Variants in AP4E1 observed in about 807,000 individuals in gnomAD.
AP4E1 encodes adaptor related protein complex 4 subunit epsilon 1.
A neutral mutation model predicts 128.2 loss-of-function variants in AP4E1; 56 were observed. The observed-to-expected ratio is 0.44, with a 90% CI of 0.35 to 0.55. AP4E1 has a LOEUF of 0.55. Ranked by LOEUF, AP4E1 falls within the 20% of genes least tolerant of loss-of-function variation. The pLI, the probability that AP4E1 is intolerant of heterozygous loss-of-function variation, is 0.00. For missense variants in AP4E1, 1,324 were observed against 1,307.7 expected (o/e 1.01, Z -0.19); for synonymous variants, 484 against 473.1 (o/e 1.02, Z -0.30).
intron 10 of AP4E1, among the ~76,000 whole-genome samples, chr15:50,942,197 G>C (rs1196290652): frequency 2.0e-5 from 3 of 152,210 alleles, no homozygotes; most frequent in Non-Finnish European, 4.4e-5. Context: ...GATTACAGGT[G>C]TGAGCCACTG....
At chr15:50,988,748 C>T (rs774381273) in intron 16 of AP4E1, among the ~76,000 whole-genome samples, 18 of 152,032 alleles carry the variant, frequency 1.2e-4, no homozygotes, top group Non-Finnish European at 1.5e-4. Flanking sequence ...GCTTTCACAC[C>T]GTTGTAAAGC....
At chr15:50,988,213 T>A (rs935409516) in intron 16 of AP4E1, among the ~76,000 whole-genome samples, 10 of 152,228 alleles carry the variant, frequency 6.6e-5, no homozygotes, top group African/African-American at 2.4e-4. Context: ...CCATTATAAA[T>A]TGAAAATATC....
At chr15:50,983,705 C>T (rs181305430) in intron 15 of AP4E1, among the ~76,000 whole-genome samples, 14 of 152,198 alleles carry the variant, frequency 9.2e-5, no homozygotes, top group Admixed American at 8.5e-4. Context: ...ATGGGAGCAG[C>T]GACTTTTCAG....
chr15:50,972,512 ATGTAGTTTCTTTAGC>A (rs1165207610), intron 15 of AP4E1, among the ~76,000 whole-genome samples: 2 of 152,134 alleles, frequency 1.3e-5, no homozygotes, highest in Non-Finnish European at 2.9e-5. Context: ...GTACCTGGCC[ATGTAGTTTCTTTAGC>A]TGTAATCTAC....
chr15:50,950,098 C>A lies in AP4E1; in HGVS notation c.1477C>A (p.Gln493Lys). 1 of 1,613,222 alleles carries A rather than the reference C, an allele frequency of 6.2e-7. No homozygotes were observed. The highest frequency in any genetic ancestry group is 1.1e-5 in the South Asian group (1 of 91,046). Residue 493 changes from glutamine (Q) to lysine (K), a missense_variant, in exon 13 of 21, where the codon CAG (glutamine) becomes AAG (lysine). Physicochemically the swap from Gln to Lys is moderately conservative, Grantham distance 53. Coordinates refer to ENST00000261842, the MANE Select transcript of AP4E1 (RefSeq NM_007347.5). ...TCAGCAATTAAGACTCTATGCAGTT[C>A]AGTCTTATCTCACTTTACTGGATAT... ...EDQQLRLYAV[Q>K]SYLTLLDMEN... is the part of the protein sequence containing the mutation.
intron 16 of AP4E1, among the ~76,000 whole-genome samples, chr15:50,987,680 A>G (rs1344748755): frequency 6.6e-6 from 1 of 152,088 alleles, no homozygotes; most frequent in Non-Finnish European, 1.5e-5. Context: ...GTTTGTTATA[A>G]TTTCTGTTTT....
At chr15:50,973,592 C>T (rs1409426385) in intron 15 of AP4E1, among the ~76,000 whole-genome samples, 1 of 152,176 alleles carries the variant, frequency 6.6e-6, no homozygotes, top group Non-Finnish European at 1.5e-5. Flanking sequence ...TCCCCTTAGC[C>T]TCTGGCAGCA....
intron 16 of AP4E1, among the ~76,000 whole-genome samples, chr15:50,987,004 C>G (rs2064736163): frequency 6.6e-6 from 1 of 152,182 alleles, no homozygotes; most frequent in African/African-American, 2.4e-5. Flanking sequence ...TTGGTCTACT[C>G]AGAGATTCAA....
chr15:50,983,496 C>T (rs1257025207), intron 15 of AP4E1, among the ~76,000 whole-genome samples: 6 of 152,224 alleles, frequency 3.9e-5, no homozygotes, highest in South Asian at 2.1e-4. Flanking sequence ...TGTCCTACCA[C>T]AGTAACAACA....
At chr15:50,985,985 T>C (rs1468659595) in intron 16 of AP4E1, among the ~76,000 whole-genome samples, 3 of 152,200 alleles carry the variant, frequency 2.0e-5, no homozygotes, top group South Asian at 2.1e-4. Flanking sequence ...CATTTATTTC[T>C]TTGAGCAGTG....
At chr15:50,993,232 T>C in intron 16 of AP4E1, 138 bp from the exon 17 acceptor site, 1 of 863,672 alleles carries the variant, frequency 1.2e-6, no homozygotes, top group East Asian at 2.6e-5. Context: ...ATCAAGGTTT[T>C]ACTTCTGGTA....
chr15:50,962,161 A>C (rs1405137423), intron 14 of AP4E1, among the ~76,000 whole-genome samples: 1 of 152,114 alleles, frequency 6.6e-6, no homozygotes, highest in Non-Finnish European at 1.5e-5. Context: ...CATGGATCAC[A>C]TGAATATTGT....
At chr15:50,971,536 C>G (rs2064478591) in intron 15 of AP4E1, among the ~76,000 whole-genome samples, 1 of 152,096 alleles carries the variant, frequency 6.6e-6, no homozygotes, top group Non-Finnish European at 1.5e-5. Context: ...TTATTTTCTT[C>G]ATATCTTCCC....
intron 3 of AP4E1, among the ~76,000 whole-genome samples, chr15:50,916,803 A>G (rs1000235713): frequency 5.1e-4 from 77 of 152,130 alleles, no homozygotes; most frequent in Non-Finnish European, 1.2e-4. Context: ...TTCTCCTGTG[A>G]TCACTCAGGT....
rs1322009887 is a variant in AP4E1 at position 50,929,157 on chromosome 15, A to G, written c.691A>G (p.Arg231Gly). Residue 231 changes from arginine to glycine, a missense_variant, in exon 6 of 21, where the codon AGA (arginine) becomes GGA (glycine). Arg to Gly is a moderately radical substitution (Grantham distance 125). Transcript: ENST00000261842. ...VMAASLHIYL[R>G]MIKENSSGYK... Reference sequence around the variant, plus strand: ...GGCTGCCTCCTTGCATATATATCTTAGAATGATTAAGGTAAGTTGGAAATT... The same window carrying G: ...GGCTGCCTCCTTGCATATATATCTTGGAATGATTAAGGTAAGTTGGAAATT... 3.1e-6 allele frequency: 5 copies of G among 1,613,770 alleles called. No individual in the cohort carries two copies. The highest frequency in any genetic ancestry group is 4.2e-6 in the Non-Finnish European group (5 of 1,179,900).
intron 15 of AP4E1, among the ~76,000 whole-genome samples, chr15:50,978,570 T>C (rs182288696): frequency 1.5e-4 from 23 of 152,310 alleles, no homozygotes; most frequent in African/African-American, 5.5e-4. Flanking sequence ...TGTTGAATTA[T>C]TCACTTATGC....
At chr15:50,954,260 T>G (rs2064187603) in intron 13 of AP4E1, among the ~76,000 whole-genome samples, 1 of 152,240 alleles carries the variant, frequency 6.6e-6, no homozygotes, top group Admixed American at 6.5e-5. Context: ...AATACTAGTT[T>G]CATAAAATGA....
At chr15:50,971,338 A>G (rs1348606796) in intron 15 of AP4E1, among the ~76,000 whole-genome samples, 1 of 152,058 alleles carries the variant, frequency 6.6e-6, no homozygotes, top group Non-Finnish European at 1.5e-5. Flanking sequence ...GGATTCCCTT[A>G]TATGTGACTT....
intron 17 of AP4E1, 113 bp downstream of exon 17, chr15:50,993,738 C>T: frequency 7.7e-7 from 1 of 1,295,462 alleles, no homozygotes; most frequent in Admixed American, 1.9e-5. Context: ...AAGTGGCTTC[C>T]CCAGTTCTTA....
Sources: allele counts gnomAD v4.1 joint callset (sites outside exome capture counted in the v4.1 genomes callset), GRCh38; gene constraint gnomAD v4.1.1; transcripts MANE v1.5; gene names NCBI Gene and HGNC (gene_info 2026-07-23, HGNC 2026-07-21).